The following CORIN variants were observed in gnomAD, a reference collection of about 807,000 sequenced individuals.
CORIN encodes the protein corin, serine peptidase, also known as atrial natriuretic peptide-converting enzyme.
CORIN carries 117 observed loss-of-function variants against 125.3 expected under a neutral mutation model. The ratio of observed to expected loss-of-function variants is 0.93; its 90% CI spans 0.80 to 1.09. CORIN has a LOEUF of 1.09. Among genes scored for constraint, CORIN ranks in the 50% least tolerant of loss-of-function variants. The pLI, the probability that CORIN is intolerant of heterozygous loss-of-function variation, is 0.00. For synonymous variants in CORIN, 450 were observed against 466.4 expected (o/e 0.96, Z 0.45); for missense variants, 1,253 against 1,306.7 (o/e 0.96, Z 0.63).
chr4:47,653,345 G>A (rs1223797439), intron 13 of CORIN, among the ~76,000 whole-genome samples: 3 of 152,078 alleles, frequency 2.0e-5, no homozygotes, highest in African/African-American at 4.8e-5. Flanking sequence ...ATGTATCAGG[G>A]TTATATAGAA....
intron 9 of CORIN, 41 bp downstream of exon 9, chr4:47,677,897 C>A: frequency 7.3e-7 from 1 of 1,361,068 alleles, no homozygotes; most frequent in Non-Finnish European, 1.1e-6. Flanking sequence ...AGGAGAGGAC[C>A]ACCAGTAAAG....
intron 3 of CORIN, among the ~76,000 whole-genome samples, chr4:47,785,463 T>C (rs780356687): frequency 6.6e-6 from 1 of 151,772 alleles, no homozygotes; most frequent in Non-Finnish European, 1.5e-5. Flanking sequence ...AACAAATCCT[T>C]CCCTTTGCCC....
chr4:47,606,816 TGC>T (rs1721669763), intron 19 of CORIN, among the ~76,000 whole-genome samples: 1 of 152,136 alleles, frequency 6.6e-6, no homozygotes, highest in Non-Finnish European at 1.5e-5. Flanking sequence ...CAGTAATAAG[TGC>T]ATTACCATCT....
chr4:47,836,090 T>C (rs1261244872), intron 1 of CORIN, among the ~76,000 whole-genome samples: 1 of 152,144 alleles, frequency 6.6e-6, no homozygotes, highest in Non-Finnish European at 1.5e-5. Flanking sequence ...TTCATCCTAT[T>C]GAAATTCTTG....
At chr4:47,664,432 C>A (rs1297898144) in intron 11 of CORIN, among the ~76,000 whole-genome samples, 1 of 152,178 alleles carries the variant, frequency 6.6e-6, no homozygotes, top group Non-Finnish European at 1.5e-5. Context: ...TGTCTAAGGG[C>A]TACCTAGAAA....
chr4:47,705,044 T>C (rs1331464655), intron 5 of CORIN, among the ~76,000 whole-genome samples: 2 of 152,216 alleles, frequency 1.3e-5, no homozygotes, highest in African/African-American at 4.8e-5. Flanking sequence ...TGGCTTGTGA[T>C]TGCGACTGAG....
chr4:47,782,782 A>C (rs531593038), intron 3 of CORIN, among the ~76,000 whole-genome samples: 3 of 152,330 alleles, frequency 2.0e-5, no homozygotes, highest in African/African-American at 2.4e-5. Context: ...ATGCAAAATA[A>C]AAGAAGGCAG....
chr4:47,747,023 A>C (rs1728694310), intron 4 of CORIN, among the ~76,000 whole-genome samples: 1 of 152,182 alleles, frequency 6.6e-6, no homozygotes, highest in African/African-American at 2.4e-5. Flanking sequence ...CAGTAAAGCT[A>C]TAAAACAAGC....
chr4:47,832,162 C>T (rs910586610), intron 1 of CORIN, among the ~76,000 whole-genome samples: 20 of 152,082 alleles, frequency 1.3e-4, no homozygotes, highest in East Asian at 1.9e-4. Context: ...GGAAAATCAT[C>T]GGCCATAAAG....
intron 3 of CORIN, among the ~76,000 whole-genome samples, chr4:47,768,671 A>G (rs949010732): frequency 3.9e-5 from 6 of 152,364 alleles, no homozygotes; most frequent in African/African-American, 1.4e-4. Context: ...ATGTTTCAAC[A>G]TACACAAATT....
At chr4:47,792,044 G>A (rs947746383) in intron 2 of CORIN, among the ~76,000 whole-genome samples, 1 of 152,190 alleles carries the variant, frequency 6.6e-6, no homozygotes, top group Non-Finnish European at 1.5e-5. Flanking sequence ...AGTCAGGAAA[G>A]CCTGTTTAGA....
chr4:47,743,445 T>C (rs1423191211), intron 5 of CORIN, among the ~76,000 whole-genome samples: 4 of 152,224 alleles, frequency 2.6e-5, no homozygotes, highest in Non-Finnish European at 5.9e-5. Flanking sequence ...CCATCAAAAT[T>C]GTTAAAATGA....
intron 5 of CORIN, among the ~76,000 whole-genome samples, chr4:47,724,807 C>T (rs898042608): frequency 1.3e-5 from 2 of 152,116 alleles, no homozygotes; most frequent in African/African-American, 4.8e-5. Context: ...TATGGGATTA[C>T]CTGATTAGGT....
intron 3 of CORIN, among the ~76,000 whole-genome samples, chr4:47,776,716 G>C (rs1730319253): frequency 6.6e-6 from 1 of 152,150 alleles, no homozygotes; most frequent in South Asian, 2.1e-4. Flanking sequence ...CCCACTTCCT[G>C]AGGTGATAAC....
intron 2 of CORIN, among the ~76,000 whole-genome samples, chr4:47,795,444 T>G (rs1316894365): frequency 6.6e-6 from 1 of 152,150 alleles, no homozygotes; most frequent in African/African-American, 2.4e-5. Context: ...TATTTGTGTC[T>G]GATTTAATTT....
chr4:47,779,581 G>A (rs1236869056), intron 3 of CORIN, among the ~76,000 whole-genome samples: 1 of 151,810 alleles, frequency 6.6e-6, no homozygotes, highest in Admixed American at 6.6e-5. Flanking sequence ...GATTACATGT[G>A]TTTGCCACCA....
In CORIN at chr4:47,638,577, C is replaced by A. The variant is rs114988173; in HGVS notation, c.2198+3343G>T. Reference sequence around the variant, plus strand: ...CATATGGTTTTAAAAATGGGAGTTTCCCCACACAAGCTCTCTCTTTTTTGT... The same window carrying A: ...CATATGGTTTTAAAAATGGGAGTTTACCCACACAAGCTCTCTCTTTTTTGT... On this transcript the variant is annotated intron_variant, in intron 16 of 21. Coordinates refer to ENST00000273857, the MANE Select transcript of CORIN (RefSeq NM_006587.4). Among the ~76,000 whole-genome samples the A allele has an allele frequency of 7.0e-3, 1,063 of 152,248 alleles. 15 individuals carry two copies. The highest frequency in any genetic ancestry group is 0.024 in the African/African-American group (1,001 of 41,540).
chr4:47,629,713 G>C (rs1470129677), intron 16 of CORIN, among the ~76,000 whole-genome samples: 1 of 152,080 alleles, frequency 6.6e-6, no homozygotes, highest in Non-Finnish European at 1.5e-5. Flanking sequence ...GTGTGGTCTT[G>C]ATACTTTCAC....
chr4:47,623,527 G>T (rs1166425126), intron 19 of CORIN, 44 bp downstream of exon 19: 1 of 1,593,340 alleles, frequency 6.3e-7, no homozygotes. Context: ...GAGTGACAAA[G>T]TGATCAAATC....
Sources: allele counts gnomAD v4.1 joint callset (sites outside exome capture counted in the v4.1 genomes callset), GRCh38; gene constraint gnomAD v4.1.1; transcripts MANE v1.5; gene names NCBI Gene and HGNC (gene_info 2026-07-23, HGNC 2026-07-21).